The following MYCBP variants were observed in gnomAD, a reference collection of about 807,000 sequenced individuals.
MYCBP encodes MYC binding protein.
In MYCBP, 5 loss-of-function variants were observed where a neutral mutation model predicts 16.8. The ratio of observed to expected loss-of-function variants is 0.30; its 90% CI spans 0.16 to 0.63. MYCBP has a LOEUF of 0.63. Ranked by LOEUF, MYCBP falls within the 20% of genes least tolerant of loss-of-function variation. The probability of loss-of-function intolerance (pLI) is 0.83; values close to 1 mark genes in which losing one functional copy is unlikely to be tolerated. For missense variants in MYCBP, 103 were observed against 121.8 expected (o/e 0.85, Z 0.73); for synonymous variants, 35 against 43.7 (o/e 0.80, Z 0.79).
At chr1:38,873,166 C>T (rs1003087400) in intron 1 of MYCBP, 76 bp from the exon 2 acceptor site, 1 of 1,550,934 alleles carries the variant, frequency 6.4e-7, no homozygotes, top group Admixed American at 1.9e-5. Flanking sequence ...CCGGCAACCC[C>T]GCCTCCGCCT....
chr1:38,865,090 G>C (rs942825133), intron 4 of MYCBP, among the ~76,000 whole-genome samples: 1 of 152,216 alleles, frequency 6.6e-6, no homozygotes, highest in Non-Finnish European at 1.5e-5. Context: ...AAAGAGTTAA[G>C]TGACATGTCT....
intron 2 of MYCBP, among the ~76,000 whole-genome samples, chr1:38,871,347 T>C (rs944021677): frequency 6.6e-6 from 1 of 152,030 alleles, no homozygotes; most frequent in Non-Finnish European, 1.5e-5. Context: ...TTCTTTCAGG[T>C]TTCTGGTCAA....
intron 4 of MYCBP, among the ~76,000 whole-genome samples, chr1:38,864,968 T>A (rs1272933716): frequency 6.6e-6 from 1 of 152,250 alleles, no homozygotes. Flanking sequence ...GACTGCACTG[T>A]TCAAATACTT....
In MYCBP at chr1:38,863,223, A is replaced by G. The variant is rs1203699044; in HGVS notation, c.*1447T>C. The stretch of plus-strand genomic sequence containing the variant: ...CACCAGCCATAGCCACATTCCTACT[A>G]ACAGGGCTGATTTAAATGCCCTTTT... On this transcript the variant is annotated 3_prime_UTR_variant, in exon 5 of 5. Transcript: ENST00000397572. 6.6e-6 allele frequency: 1 copy of G among 152,226 alleles called. No homozygotes were observed. The highest frequency in any genetic ancestry group is 2.4e-5 in the African/African-American group (1 of 41,462). The allele number at this position is 152,226 out of a possible 1,614,324, so 9.4% of individuals were successfully genotyped here.
chr1:38,866,774 T>C, intron 4 of MYCBP, 106 bp downstream of exon 4: 1 of 943,042 alleles, frequency 1.1e-6, no homozygotes, highest in Non-Finnish European at 1.6e-6. Flanking sequence ...TAATTCAAAT[T>C]GATATTCACC....
intron 2 of MYCBP, 57 bp downstream of exon 2, chr1:38,872,961 G>C: frequency 6.5e-7 from 1 of 1,537,762 alleles, no homozygotes; most frequent in East Asian, 2.4e-5. Flanking sequence ...TGGGGAACGG[G>C]GCAGCGCCGG....
At chr1:38,867,043 A>G (rs758189632) in intron 3 of MYCBP, 34 bp from the exon 4 acceptor site, 1 of 1,581,150 alleles carries the variant, frequency 6.3e-7, no homozygotes, top group South Asian at 1.1e-5. Context: ...CTTCTTAGAC[A>G]TGAATGAAAC....
At chr1:38,867,817 G>C (rs1369639829) in intron 2 of MYCBP, among the ~76,000 whole-genome samples, 6 of 152,114 alleles carry the variant, frequency 3.9e-5, no homozygotes, top group Admixed American at 3.9e-4. Flanking sequence ...CTAGACAGAG[G>C]GTATCAAGCA....
At chr1:38,872,303 TA>T (rs899844097) in intron 2 of MYCBP, among the ~76,000 whole-genome samples, 24 of 152,326 alleles carry the variant, frequency 1.6e-4, no homozygotes, top group African/African-American at 5.8e-4. Context: ...GCCAATAAAG[TA>T]AACTGTACCC....
chr1:38,864,819 T>C (rs1367665806), intron 4 of MYCBP, 105 bp from the exon 5 acceptor site: 3 of 988,506 alleles, frequency 3.0e-6, no homozygotes, highest in Non-Finnish European at 1.6e-6. Flanking sequence ...TGTCAGTAAA[T>C]TGTATTAATA....
In MYCBP at chr1:38,862,710, G is replaced by A. The variant is rs781489512; in HGVS notation, c.*1960C>T. On this transcript the variant is annotated 3_prime_UTR_variant, in exon 5 of 5. Coordinates refer to ENST00000397572, the MANE Select transcript of MYCBP (RefSeq NM_012333.5). ...GACCTCTAGAGGCTAAGCTTATCCT[G>A]AATTCTTAAATAGCACTGACTGTTA... Among the ~76,000 whole-genome samples the A allele has an allele frequency of 2.6e-5, 4 of 152,174 alleles. No homozygotes were observed. Among genetic ancestry groups the A allele is most frequent in the South Asian group, 2.1e-4 (1 of 4,832 alleles).
chr1:38,873,121 G>A (rs1642502852), intron 1 of MYCBP, 31 bp from the exon 2 acceptor site: 3 of 1,554,308 alleles, frequency 1.9e-6, no homozygotes, highest in Non-Finnish European at 2.6e-6. Flanking sequence ...AGTGGCCAGA[G>A]CCCGGGAGCC....
At position 38,864,378 on chromosome 1, in the gene MYCBP, A is replaced by T. The variant is rs1302078448; in HGVS notation, c.*292T>A. 27 of 422,270 alleles carry T rather than the reference A, an allele frequency of 6.4e-5. No individual in the cohort carries two copies. The East Asian group carries it at 1.3e-3, about 21-fold the overall frequency. The allele number at this position is 422,270 out of a possible 1,614,324, so 26.2% of individuals were successfully genotyped here. A position where few individuals can be genotyped will look rare whatever the true frequency, so the allele number is the denominator to read the frequency against. On this transcript the variant is annotated 3_prime_UTR_variant, in exon 5 of 5. Coordinates refer to ENST00000397572, the MANE Select transcript of MYCBP (RefSeq NM_012333.5). ...AAACTGTCTTGGCTAAAATACAACCAGTGCCATCATTCCTAATCAGACTAA... is the reference window on the plus strand; with the variant it reads ...AAACTGTCTTGGCTAAAATACAACCTGTGCCATCATTCCTAATCAGACTAA...
At chr1:38,872,810 G>C (rs1192398580) in intron 2 of MYCBP, among the ~76,000 whole-genome samples, 1 of 152,258 alleles carries the variant, frequency 6.6e-6, no homozygotes, top group African/African-American at 2.4e-5. Flanking sequence ...TTCACTCCCG[G>C]TGCGGAGAAG....
At position 38,863,080 on chromosome 1, in the gene MYCBP, C is replaced by G. The variant is rs1642273483; in HGVS notation, c.*1590G>C. 1 of 152,190 alleles carries G rather than the reference C, an allele frequency of 6.6e-6. No individual in the cohort carries two copies. 9.4% of individuals were successfully genotyped at this position (152,190 alleles called of 1,614,324 possible). On this transcript the variant is annotated 3_prime_UTR_variant, in exon 5 of 5. Transcript: ENST00000397572. ...AATTAAGTCATTCCTCTTTATCACA[C>G]CCAGCACTTAGTCCACTGCTGCCCA...
intron 3 of MYCBP, 65 bp from the exon 4 acceptor site, chr1:38,867,074 G>A (rs753957978): frequency 4.1e-5 from 59 of 1,446,696 alleles, no homozygotes; most frequent in Non-Finnish European, 5.4e-5. Context: ...GCACAGAGTA[G>A]TATCAATATC....
chr1:38,863,106 T>G lies in MYCBP; in HGVS notation c.*1564A>C, dbSNP rs994139858. On this transcript the variant is annotated 3_prime_UTR_variant, in exon 5 of 5. Coordinates refer to ENST00000397572, the MANE Select transcript of MYCBP (RefSeq NM_012333.5). ...CCAGCACTTAGTCCACTGCTGCCCATGTAGGAGGCACTCAAATTGGTAAAA... is the reference window on the plus strand; with the variant it reads ...CCAGCACTTAGTCCACTGCTGCCCAGGTAGGAGGCACTCAAATTGGTAAAA... 6 of 152,192 alleles carry G rather than the reference T, an allele frequency of 3.9e-5. No homozygotes were observed. Among genetic ancestry groups the G allele is most frequent in the Admixed American group, 6.5e-5 (1 of 15,276 alleles). 9.4% of individuals were successfully genotyped at this position (152,192 alleles called of 1,614,324 possible). A position where few individuals can be genotyped will look rare whatever the true frequency, so the allele number is the denominator to read the frequency against.
intron 2 of MYCBP, among the ~76,000 whole-genome samples, chr1:38,870,799 C>CAAAAAAAA (rs60684785): frequency 9.9e-5 from 6 of 60,682 alleles, no homozygotes; most frequent in African/African-American, 3.4e-4. Flanking sequence ...GACTCCGTCT[C>CAAAAAAAA]AAAAAAAAAA....
At chr1:38,864,864 G>C in intron 4 of MYCBP, 150 bp from the exon 5 acceptor site, 1 of 717,462 alleles carries the variant, frequency 1.4e-6, no homozygotes, top group Non-Finnish European at 2.4e-6. Context: ...AAATCATTCA[G>C]TGATTTAAGA....
Sources: gnomAD v4.1 joint callset for allele counts (sites outside exome capture counted in the v4.1 genomes callset) on GRCh38, gnomAD v4.1.1 for gene constraint, MANE v1.5 for transcripts, NCBI Gene and HGNC (gene_info 2026-07-23, HGNC 2026-07-21) for gene names.